Variants in SLC16A12 observed in about 807,000 individuals in gnomAD.
The protein encoded by SLC16A12 is monocarboxylate transporter 12.
SLC16A12 carries 17 observed loss-of-function variants against 42.4 expected under a neutral mutation model. That is an observed-to-expected ratio of 0.40 (90% CI 0.27 to 0.60). The LOEUF (loss-of-function observed/expected upper bound fraction) is 0.60, where lower values mean the gene tolerates loss of function less well. SLC16A12 is among the 20% of genes least tolerant of loss of function. The pLI, the probability that SLC16A12 is intolerant of heterozygous loss-of-function variation, is 0.42. For missense variants in SLC16A12, 544 were observed against 623.0 expected, an observed-to-expected ratio of 0.87 and a Z score of 1.35; for synonymous variants, 224 against 229.4, an observed-to-expected ratio of 0.98 and a Z score of 0.21.
intron 2 of SLC16A12, among the ~76,000 whole-genome samples, chr10:89,468,914 G>A (rs2133763201): frequency 6.6e-6 from 1 of 152,286 alleles, no homozygotes; most frequent in African/African-American, 2.4e-5. Flanking sequence ...AGGATCACTT[G>A]AGGTCAGGAG....
chr10:89,521,958 C>A (rs1181878476), intron 2 of SLC16A12, among the ~76,000 whole-genome samples: 1 of 152,182 alleles, frequency 6.6e-6, no homozygotes, highest in Non-Finnish European at 1.5e-5. Context: ...TATTACTGCC[C>A]ATACTTGGGT....
At chr10:89,494,015 T>C (rs1309211645) in intron 2 of SLC16A12, among the ~76,000 whole-genome samples, 13 of 152,238 alleles carry the variant, frequency 8.5e-5, no homozygotes, top group Non-Finnish European at 1.5e-4. Context: ...AGTAATCATA[T>C]TGGCCCCATT....
intron 2 of SLC16A12, among the ~76,000 whole-genome samples, chr10:89,498,885 T>A (rs957160865): frequency 1.3e-5 from 2 of 152,008 alleles, no homozygotes; most frequent in Non-Finnish European, 2.9e-5. Flanking sequence ...GAGATAACAA[T>A]CACTACAGCT....
At chr10:89,494,827 G>A (rs562263196) in intron 2 of SLC16A12, among the ~76,000 whole-genome samples, 1 of 152,264 alleles carries the variant, frequency 6.6e-6, no homozygotes, top group Middle Eastern at 3.4e-3. Context: ...TAGGACTGAT[G>A]GAAAGTTTGT....
rs74146960 is a variant in SLC16A12, at chr10:89,524,199, C to T, written c.-47+10302G>A. Among the ~76,000 whole-genome samples, 1,508 of 152,268 alleles carry T rather than the reference C, an allele frequency of 9.9e-3. 32 individuals carry two copies. The highest frequency in any genetic ancestry group is 0.035 in the African/African-American group (1,452 of 41,538). Reference sequence around the variant, plus strand: ...CATTAATCTTATTTCCCATCTGCACCATTTTAACAGACCCTCTGGGGCCTT... The same window carrying T: ...CATTAATCTTATTTCCCATCTGCACTATTTTAACAGACCCTCTGGGGCCTT... On this transcript the variant is annotated intron_variant, in intron 2 of 7. Transcript: ENST00000371790.
At chr10:89,471,021 T>A (rs917848911) in intron 2 of SLC16A12, among the ~76,000 whole-genome samples, 1 of 152,120 alleles carries the variant, frequency 6.6e-6, no homozygotes, top group Non-Finnish European at 1.5e-5. Flanking sequence ...CAGAGTAACC[T>A]CAGATTTGGC....
chr10:89,440,303 A>G (rs1841884554), intron 5 of SLC16A12, among the ~76,000 whole-genome samples: 1 of 152,156 alleles, frequency 6.6e-6, no homozygotes. Context: ...TAAAACCAGG[A>G]CAGTGCCTGG....
At chr10:89,437,521 C>CT in intron 6 of SLC16A12, among the ~76,000 whole-genome samples, 1 of 152,100 alleles carries the variant, frequency 6.6e-6, no homozygotes, top group South Asian at 2.1e-4. Flanking sequence ...AGTGCAAGAA[C>CT]TTAGGTCTAG....
At chr10:89,522,376 G>A (rs1414941536) in intron 2 of SLC16A12, among the ~76,000 whole-genome samples, 1 of 152,174 alleles carries the variant, frequency 6.6e-6, no homozygotes, top group South Asian at 2.1e-4. Flanking sequence ...CTTCTTGGCT[G>A]CTAGACCTCA....
chr10:89,462,260 C>T, intron 3 of SLC16A12, 119 bp downstream of exon 3: 2 of 1,399,412 alleles, frequency 1.4e-6, no homozygotes, highest in Non-Finnish European at 2.0e-6. Flanking sequence ...GAAATACACA[C>T]ACACCACATG....
intron 2 of SLC16A12, among the ~76,000 whole-genome samples, chr10:89,510,382 C>T (rs142152972): frequency 4.2e-4 from 64 of 152,306 alleles, no homozygotes; most frequent in African/African-American, 1.5e-3. Flanking sequence ...GGTACCAAAA[C>T]AGGTATACAG....
chr10:89,460,416 C>G (rs546188379), intron 3 of SLC16A12, among the ~76,000 whole-genome samples: 1 of 152,168 alleles, frequency 6.6e-6, no homozygotes, highest in East Asian at 1.9e-4. Flanking sequence ...ATTCCTCTTA[C>G]AGAGGTCTTC....
chr10:89,501,834 T>C (rs1044712303), intron 2 of SLC16A12, among the ~76,000 whole-genome samples: 7 of 152,244 alleles, frequency 4.6e-5, no homozygotes, highest in Non-Finnish European at 1.0e-4. Context: ...CATTTGCTCA[T>C]TTGTTTATTA....
upstream of SLC16A12, among the ~76,000 whole-genome samples, chr10:89,535,793 G>T (rs1299575133): frequency 6.6e-6 from 1 of 152,096 alleles, no homozygotes; most frequent in Non-Finnish European, 1.5e-5. Context: ...CAGGCTGCGC[G>T]ATCCGCGCTT....
rs146415721 is a variant in SLC16A12, at chr10:89,431,624, C to T, written c.*1440G>A. On this transcript the variant is annotated 3_prime_UTR_variant, in exon 8 of 8. Coordinates refer to ENST00000371790, the MANE Select transcript of SLC16A12 (RefSeq NM_213606.4). Reference sequence around the variant, plus strand: ...GATTAAATAGCCTTCAGGGTCAAAACAGTTCCTTGACATTTGGATTTTAAA... The same window carrying T: ...GATTAAATAGCCTTCAGGGTCAAAATAGTTCCTTGACATTTGGATTTTAAA... 2.0e-5 allele frequency: 3 copies of T among 152,284 alleles called. No individual in the cohort carries two copies. The East Asian group carries it at 5.8e-4, about 29-fold the overall frequency. 9.4% of individuals were successfully genotyped at this position (152,284 alleles called of 1,614,324 possible).
intron 3 of SLC16A12, among the ~76,000 whole-genome samples, chr10:89,454,649 CT>C (rs957192596): frequency 3.9e-4 from 58 of 148,918 alleles, no homozygotes; most frequent in African/African-American, 1.1e-3. Flanking sequence ...TGAGCCTTCA[CT>C]TTTTTTTTTC....
rs183698106 is a variant in SLC16A12 at position 89,430,894 on chromosome 10, T to A, written c.*2170A>T. ...TAAGAATATTTGTAACTATTCATATTTTTAAACATCTTTAGGCTTGAAAAT... is the reference window on the plus strand; with the variant it reads ...TAAGAATATTTGTAACTATTCATATATTTAAACATCTTTAGGCTTGAAAAT... On this transcript the variant is annotated 3_prime_UTR_variant, in exon 8 of 8. Coordinates refer to ENST00000371790, the MANE Select transcript of SLC16A12 (RefSeq NM_213606.4). 7.5e-5 allele frequency: 26 copies of A among 345,476 alleles called. No homozygotes were observed. The highest frequency in any genetic ancestry group is 5.4e-4 in the African/African-American group (25 of 46,068). The allele number at this position is 345,476 out of a possible 1,614,324, so 21.4% of individuals were successfully genotyped here. A position where few individuals can be genotyped will look rare whatever the true frequency, so the allele number is the denominator to read the frequency against.
intron 3 of SLC16A12, among the ~76,000 whole-genome samples, chr10:89,445,651 A>G (rs976571746): frequency 6.6e-6 from 1 of 152,226 alleles, no homozygotes; most frequent in African/African-American, 2.4e-5. Context: ...ATGGGGAGAA[A>G]CCAGAGCAGA....
intron 2 of SLC16A12, among the ~76,000 whole-genome samples, chr10:89,497,941 T>G (rs958146070): frequency 2.0e-5 from 3 of 152,184 alleles, no homozygotes; most frequent in African/African-American, 7.2e-5. Flanking sequence ...GAAGTAGGTA[T>G]AATTATTTTA....
Sources: allele counts gnomAD v4.1 joint callset (sites outside exome capture counted in the v4.1 genomes callset), GRCh38; gene constraint gnomAD v4.1.1; transcripts MANE v1.5; gene names NCBI Gene and HGNC (gene_info 2026-07-23, HGNC 2026-07-21).